MSRA: variants seen among roughly 807,000 people sequenced by gnomAD.
The protein encoded by MSRA is mitochondrial peptide methionine sulfoxide reductase.
Under a neutral mutation model 31.3 loss-of-function variants are expected in MSRA, and 54 were observed. The ratio of observed to expected loss-of-function variants is 1.73; its 90% CI spans 1.39 to 2.17. The LOEUF (loss-of-function observed/expected upper bound fraction) is 2.17. MSRA is among the 30% of genes most tolerant of loss of function. The probability of loss-of-function intolerance (pLI) is 0.00; values close to 1 mark genes in which losing one functional copy is unlikely to be tolerated. For missense variants in MSRA, 507 were observed against 300.9 expected, an observed-to-expected ratio of 1.69 and a Z score of -5.07; for synonymous variants, 169 against 116.5, an observed-to-expected ratio of 1.45 and a Z score of -2.90.
intron 3 of MSRA, among the ~76,000 whole-genome samples, chr8:10,295,546 C>G (rs371070053): frequency 6.6e-6 from 1 of 152,318 alleles, no homozygotes; most frequent in South Asian, 2.1e-4. Context: ...GTTCTGACGG[C>G]TCTGCTCGGC....
Position 10,428,234 on chromosome 8 carries a change from G to C in MSRA, c.630G>C (p.Gln210His). 2 of 1,614,198 alleles carry C rather than the reference G, an allele frequency of 1.2e-6. No homozygotes were observed. The highest frequency in any genetic ancestry group is 1.1e-5 in the South Asian group (1 of 91,084). Residue 210 changes from glutamine to histidine, a missense_variant, in exon 6 of 6, where the codon CAG becomes CAC. Gln to His is a conservative substitution (Grantham distance 24). Transcript: ENST00000317173. ...ACTATGCGGAAGACTACCACCAGCA[G>C]TACCTGAGCAAGAACCCCAATGGCT... is the stretch of plus-strand genomic sequence containing the variant. ...TFYYAEDYHQ[Q>H]YLSKNPNGYC...
chr8:10,409,011 T>G (rs959998460), intron 5 of MSRA, among the ~76,000 whole-genome samples: 18 of 152,254 alleles, frequency 1.2e-4, no homozygotes, highest in Non-Finnish European at 1.8e-4. Flanking sequence ...CTGCAGTGTG[T>G]AGTGCTGTAA....
chr8:10,242,045 G>C (rs1263839880), intron 2 of MSRA, among the ~76,000 whole-genome samples: 1 of 152,186 alleles, frequency 6.6e-6, no homozygotes, highest in African/African-American at 2.4e-5. Context: ...GCGGAGGGGG[G>C]CAGATCACCT....
chr8:10,412,517 A>G (rs1002935417), intron 5 of MSRA, among the ~76,000 whole-genome samples: 3 of 152,222 alleles, frequency 2.0e-5, no homozygotes, highest in African/African-American at 7.2e-5. Flanking sequence ...ACGGGAGCAT[A>G]CCAGAATCAT....
chr8:10,092,260 A>G (rs966062669), intron 1 of MSRA, among the ~76,000 whole-genome samples: 8 of 151,788 alleles, frequency 5.3e-5, no homozygotes, highest in African/African-American at 1.9e-4. Flanking sequence ...CTTTTATTCC[A>G]TTGTGGTTGG....
At position 10,271,251 on chromosome 8, in the gene MSRA, G is replaced by A. The variant is rs1023645258; in HGVS notation, c.331+26028G>A. Among the ~76,000 whole-genome samples the A allele has an allele frequency of 3.9e-5, 6 of 152,172 alleles. 1 individual carries two copies. The highest frequency in any genetic ancestry group is 3.9e-4 in the Admixed American group (6 of 15,282). ...CAGTTTACAGGAAGCAAGGGGAATA[G>A]AGAAATGCTTTCTGTGATACCTACC... is the stretch of plus-strand genomic sequence containing the variant. On this transcript the variant is annotated intron_variant, in intron 3 of 5. Coordinates refer to ENST00000317173, the MANE Select transcript of MSRA (RefSeq NM_012331.5).
At chr8:10,168,500 G>C (rs954865077) in intron 1 of MSRA, among the ~76,000 whole-genome samples, 4 of 152,176 alleles carry the variant, frequency 2.6e-5, no homozygotes, top group Non-Finnish European at 5.9e-5. Flanking sequence ...TATAAATGTG[G>C]TTTTTGGAAA....
intron 3 of MSRA, among the ~76,000 whole-genome samples, chr8:10,300,640 G>A (rs542672380): frequency 1.3e-3 from 192 of 152,232 alleles, no homozygotes; most frequent in African/African-American, 4.4e-3. Flanking sequence ...ACCCTCCTCG[G>A]CCTCTCAAAG....
At position 10,213,432 on chromosome 8, in the gene MSRA, CTTTTTTT is replaced by C. The variant is rs1198665886; in HGVS notation, c.211+5549_211+5555del. ...CCATTGTGTACATGTACCACACTTT[CTTTTTTT>C]TTTTTTTTTTTTTTTTTGAGACAGA... On this transcript the variant is annotated intron_variant, in intron 2 of 5. Coordinates refer to ENST00000317173, the MANE Select transcript of MSRA (RefSeq NM_012331.5). Among the ~76,000 whole-genome samples, 5 of 76,738 alleles carry C rather than the reference CTTTTTTT, an allele frequency of 6.5e-5. No homozygotes were observed. In the East Asian group the frequency reaches 1.4e-3, roughly 21 times the overall value. The allele number at this position is 76,738 out of a possible 152,430, so 50.3% of individuals were successfully genotyped here.
At chr8:10,340,902 C>G (rs528512077) in intron 5 of MSRA, among the ~76,000 whole-genome samples, 3 of 152,146 alleles carry the variant, frequency 2.0e-5, no homozygotes, top group Non-Finnish European at 2.9e-5. Flanking sequence ...GTGTGGTAAT[C>G]AAAATGGTAT....
At chr8:10,394,014 T>C (rs978001449) in intron 5 of MSRA, among the ~76,000 whole-genome samples, 1 of 152,176 alleles carries the variant, frequency 6.6e-6, no homozygotes, top group African/African-American at 2.4e-5. Flanking sequence ...AGAGGGCAGA[T>C]GGAAGAGACC....
chr8:10,160,220 C>A (rs759515000), intron 1 of MSRA, among the ~76,000 whole-genome samples: 1 of 152,040 alleles, frequency 6.6e-6, no homozygotes, highest in East Asian at 1.9e-4. Context: ...AGGATGGGGC[C>A]AGGCACAGTG....
chr8:10,328,027 A>ATTTTTTCTTTTT (rs1802469849), intron 5 of MSRA, among the ~76,000 whole-genome samples: 1 of 65,310 alleles, frequency 1.5e-5, no homozygotes, highest in African/African-American at 7.1e-5. Flanking sequence ...CTCTATGGTA[A>ATTTTTTCTTTTT]TTTTTTTTTT....
chr8:10,293,704 CCTTCCTCCCCTCCTG>C (rs1412530589), intron 3 of MSRA, among the ~76,000 whole-genome samples: 4 of 152,144 alleles, frequency 2.6e-5, no homozygotes, highest in African/African-American at 4.8e-5. Context: ...TTTCCTGTTT[CCTTCCTCCCCTCCTG>C]CTTCCTCCCC....
At chr8:10,234,076 A>G (rs1428705035) in intron 2 of MSRA, among the ~76,000 whole-genome samples, 2 of 152,322 alleles carry the variant, frequency 1.3e-5, no homozygotes, top group African/African-American at 4.8e-5. Flanking sequence ...GATAGTATAG[A>G]CATAATAGAA....
intron 5 of MSRA, among the ~76,000 whole-genome samples, chr8:10,393,906 G>A (rs900616408): frequency 3.9e-5 from 6 of 152,204 alleles, no homozygotes; most frequent in Admixed American, 1.3e-4. Flanking sequence ...GATACTATGT[G>A]TATAACTGTA....
chr8:10,355,404 C>T lies in MSRA; in HGVS notation c.543+35415C>T, dbSNP rs551722265. Among the ~76,000 whole-genome samples, 333 of 152,302 alleles carry T rather than the reference C, an allele frequency of 2.2e-3. 2 individuals are homozygous for T. The highest frequency in any genetic ancestry group is 3.5e-3 in the Non-Finnish European group (241 of 68,032). ...CCATCACTTCTTTGATTGTCACTTT[C>T]CAAACCAAAGCAAATGAAGTCATCA... On this transcript the variant is annotated intron_variant, in intron 5 of 5. Coordinates refer to ENST00000317173, the MANE Select transcript of MSRA (RefSeq NM_012331.5).
At chr8:10,235,736 G>A (rs911565953) in intron 2 of MSRA, among the ~76,000 whole-genome samples, 4 of 152,016 alleles carry the variant, frequency 2.6e-5, no homozygotes, top group Non-Finnish European at 4.4e-5. Context: ...GTAACTTCAC[G>A]GAACAAATAA....
At chr8:10,077,076 G>A (rs930168247) in intron 1 of MSRA, among the ~76,000 whole-genome samples, 1 of 149,730 alleles carries the variant, frequency 6.7e-6, no homozygotes, top group Admixed American at 6.7e-5. Context: ...AGAGGACAAG[G>A]AGCCTCCAAG....
Sources: gnomAD v4.1 joint callset for allele counts (sites outside exome capture counted in the v4.1 genomes callset) on GRCh38, gnomAD v4.1.1 for gene constraint, MANE v1.5 for transcripts, NCBI Gene and HGNC (gene_info 2026-07-23, HGNC 2026-07-21) for gene names.